NCALD: variants seen among roughly 807,000 people sequenced by gnomAD.
The protein encoded by NCALD is neurocalcin-delta.
A neutral mutation model predicts 18.6 loss-of-function variants in NCALD; 10 were observed. The ratio of observed to expected loss-of-function variants is 0.54; its 90% CI spans 0.33 to 0.91. The LOEUF is 0.91. Among genes scored for constraint, NCALD ranks in the 40% least tolerant of loss-of-function variants. NCALD has a pLI of 0.03. For missense variants in NCALD, 184 were observed against 247.6 expected (o/e 0.74, Z 1.72); for synonymous variants, 88 against 87.4 (o/e 1.01, Z -0.04).
chr8:101,956,663 T>A (rs1819638840), intron 2 of NCALD, among the ~76,000 whole-genome samples: 1 of 151,896 alleles, frequency 6.6e-6, no homozygotes, highest in Non-Finnish European at 1.5e-5. Context: ...GACTATCTAC[T>A]CTGGACCATT....
intron 1 of NCALD, among the ~76,000 whole-genome samples, chr8:101,747,597 C>T (rs1003157417): frequency 1.3e-5 from 2 of 152,072 alleles, no homozygotes; most frequent in African/African-American, 4.8e-5. Context: ...CAGACTTGTA[C>T]CTGGAAGCAT....
intron 3 of NCALD, among the ~76,000 whole-genome samples, chr8:101,906,031 C>T (rs1275600385): frequency 2.0e-5 from 3 of 152,170 alleles, no homozygotes; most frequent in Non-Finnish European, 2.9e-5. Flanking sequence ...CAAATGAATG[C>T]AGTTTTTCAC....
intron 1 of NCALD, among the ~76,000 whole-genome samples, chr8:101,779,185 T>A (rs1035390489): frequency 1.3e-5 from 2 of 152,130 alleles, no homozygotes; most frequent in Non-Finnish European, 2.9e-5. Context: ...AAATATGCTC[T>A]AGCAAAATTG....
At chr8:101,826,121 G>T (rs1010207998) in intron 4 of NCALD, among the ~76,000 whole-genome samples, 8 of 151,986 alleles carry the variant, frequency 5.3e-5, no homozygotes, top group Non-Finnish European at 1.0e-4. Context: ...TATTGCCATG[G>T]TTCATAGGTT....
At chr8:102,092,781 A>T (rs1350477154) in intron 1 of NCALD, among the ~76,000 whole-genome samples, 1 of 152,140 alleles carries the variant, frequency 6.6e-6, no homozygotes, top group African/African-American at 2.4e-5. Context: ...CAACTCATCC[A>T]TGGAGTCAAC....
At chr8:101,795,775 G>T (rs1812616744), upstream of NCALD, among the ~76,000 whole-genome samples, 1 of 152,194 alleles carries the variant, frequency 6.6e-6, no homozygotes, top group South Asian at 2.1e-4. Flanking sequence ...ATTCTCAGAA[G>T]CTGAAGAGAG....
At chr8:101,711,455 G>A (rs1815787485) in intron 2 of NCALD, among the ~76,000 whole-genome samples, 1 of 151,958 alleles carries the variant, frequency 6.6e-6, no homozygotes. Context: ...CAGAAGGTGG[G>A]TAATAACAAA....
At chr8:101,835,175 A>C (rs1814359711) in intron 4 of NCALD, among the ~76,000 whole-genome samples, 2 of 152,264 alleles carry the variant, frequency 1.3e-5, no homozygotes, top group East Asian at 3.8e-4. Context: ...ATGCTGTAAC[A>C]AGTAAACCTC....
At chr8:101,698,763 T>G (rs1190470738) in intron 2 of NCALD, among the ~76,000 whole-genome samples, 1 of 152,140 alleles carries the variant, frequency 6.6e-6, no homozygotes, top group East Asian at 1.9e-4. Context: ...TCCTTACACC[T>G]TATACAAAAA....
intron 4 of NCALD, among the ~76,000 whole-genome samples, chr8:101,830,451 C>T (rs1814130835): frequency 6.6e-6 from 1 of 151,888 alleles, no homozygotes; most frequent in African/African-American, 2.4e-5. Flanking sequence ...ATCCCAGCTA[C>T]TCGGGAGGCT....
chr8:101,918,773 C>CACACACACAG (rs1491392507), intron 2 of NCALD, among the ~76,000 whole-genome samples: 3 of 150,994 alleles, frequency 2.0e-5, no homozygotes, highest in Admixed American at 6.6e-5. Flanking sequence ...CACACACACA[C>CACACACACAG]AGATACCTAG....
intron 1 of NCALD, among the ~76,000 whole-genome samples, chr8:102,036,139 A>AATT (rs1554583483): frequency 3.6e-4 from 41 of 114,102 alleles, no homozygotes; most frequent in South Asian, 2.1e-3. Context: ...ATAAATAAAT[A>AATT]AATAAATTAA....
chr8:102,050,937 A>T (rs967538468), intron 1 of NCALD, among the ~76,000 whole-genome samples: 44 of 147,474 alleles, frequency 3.0e-4, no homozygotes, highest in African/African-American at 1.0e-3. Flanking sequence ...ATATAAATAA[A>T]TTTTTGTATA....
chr8:101,834,754 G>C (rs1327841941), intron 4 of NCALD, among the ~76,000 whole-genome samples: 2 of 152,258 alleles, frequency 1.3e-5, no homozygotes, highest in African/African-American at 4.8e-5. Flanking sequence ...ACAGGAGGAA[G>C]AAAGATGATG....
At chr8:101,693,502 T>C (rs1016484264) in intron 2 of NCALD, 19 of 152,020 alleles carry the variant, frequency 1.2e-4, no homozygotes, top group Admixed American at 9.8e-4. Flanking sequence ...ACAAATCCCC[T>C]GGGAATCTTG....
At chr8:101,892,800 G>A (rs1171296146) in intron 3 of NCALD, among the ~76,000 whole-genome samples, 3 of 149,762 alleles carry the variant, frequency 2.0e-5, no homozygotes, top group Non-Finnish European at 2.9e-5. Context: ...AAGCGAGAAG[G>A]GAAGTTTAGA....
intron 3 of NCALD, among the ~76,000 whole-genome samples, chr8:101,889,101 C>T (rs1395735639): frequency 6.6e-6 from 1 of 152,216 alleles, no homozygotes; most frequent in Non-Finnish European, 1.5e-5. Flanking sequence ...CTGGCATTCA[C>T]TTTTTGTTCT....
At chr8:101,721,928 A>G (rs1247135803) in intron 1 of NCALD, among the ~76,000 whole-genome samples, 1 of 151,860 alleles carries the variant, frequency 6.6e-6, no homozygotes, top group Non-Finnish European at 1.5e-5. Flanking sequence ...TGCAGCCTCA[A>G]ACTCTTGAGT....
At chr8:101,956,554 G>A (rs1161728486) in intron 2 of NCALD, among the ~76,000 whole-genome samples, 1 of 151,990 alleles carries the variant, frequency 6.6e-6, no homozygotes, top group Non-Finnish European at 1.5e-5. Context: ...TCTGAGGAAG[G>A]AAGCGGTTAG....
Sources: gnomAD v4.1 joint callset for allele counts (sites outside exome capture counted in the v4.1 genomes callset) on GRCh38, gnomAD v4.1.1 for gene constraint, MANE v1.5 for transcripts, NCBI Gene and HGNC (gene_info 2026-07-23, HGNC 2026-07-21) for gene names.